Variants in AOPEP observed in about 807,000 individuals in gnomAD.
AOPEP encodes the protein aminopeptidase O (putative), also known as aminopeptidase O.
A neutral mutation model predicts 98.1 loss-of-function variants in AOPEP; 77 were observed. The observed-to-expected ratio is 0.78, with a 90% CI of 0.65 to 0.95. The LOEUF is 0.95. Ranked by LOEUF, AOPEP falls within the 40% of genes least tolerant of loss-of-function variation. AOPEP has a pLI of 0.00. For missense variants in AOPEP, 1,024 were observed against 1,024.7 expected, an observed-to-expected ratio of 1.00 and a Z score of 0.01; for synonymous variants, 346 against 365.3, an observed-to-expected ratio of 0.95 and a Z score of 0.60.
chr9:94,995,999 G>A (rs541633652), intron 11 of AOPEP, among the ~76,000 whole-genome samples: 12 of 151,650 alleles, frequency 7.9e-5, no homozygotes, highest in African/African-American at 2.2e-4. Flanking sequence ...CACATTCCCC[G>A]GCTCCCACTC....
At chr9:94,728,239 G>GCGCGCGCGCGCGCGCACACACACACA (rs113657409) in intron 1 of AOPEP, among the ~76,000 whole-genome samples, 23 of 146,604 alleles carry the variant, frequency 1.6e-4, no homozygotes, top group South Asian at 1.1e-3. Context: ...GTGCGCGCAT[G>GCGCGCGCGCGCGCGCACACACACACA]CACACACACA....
At chr9:94,851,007 A>G (rs967289297) in intron 5 of AOPEP, among the ~76,000 whole-genome samples, 4 of 152,342 alleles carry the variant, frequency 2.6e-5, no homozygotes, top group African/African-American at 9.6e-5. Flanking sequence ...TGTGGCAGCA[A>G]TCTGGTACCA....
the AOPEP span, chr9:95,110,946 G>C: frequency 7.3e-7 from 1 of 1,372,416 alleles, no homozygotes; most frequent in Non-Finnish European, 9.4e-7. Flanking sequence ...GAAGCAAAGT[G>C]GTTAATATCA....
intron 3 of AOPEP, among the ~76,000 whole-genome samples, chr9:94,784,782 AT>A (rs1175200430): frequency 2.6e-5 from 4 of 151,806 alleles, no homozygotes; most frequent in Non-Finnish European, 5.9e-5. Context: ...CGCCTGGCTA[AT>A]TTTTGTATTT....
intron 13 of AOPEP, chr9:95,021,547 G>A (rs1213781080): frequency 6.6e-6 from 1 of 152,216 alleles, no homozygotes; most frequent in African/African-American, 2.4e-5. Flanking sequence ...AAATGATGCC[G>A]AAGTATCTTC....
At chr9:94,848,839 G>C (rs1175655670) in intron 5 of AOPEP, among the ~76,000 whole-genome samples, 1 of 152,020 alleles carries the variant, frequency 6.6e-6, no homozygotes, top group Non-Finnish European at 1.5e-5. Flanking sequence ...ACCCAGGCTG[G>C]AGTGCAATGG....
At chr9:94,825,238 G>A (rs6479574) in intron 5 of AOPEP, among the ~76,000 whole-genome samples, 130,753 of 152,234 alleles carry the variant, frequency 0.86, 56,305 homozygotes, top group Non-Finnish European at 0.89. Flanking sequence ...GTGCTTCCCC[G>A]TTTTTGTTTC....
At chr9:94,832,896 T>A (rs2134500162) in intron 5 of AOPEP, among the ~76,000 whole-genome samples, 1 of 152,084 alleles carries the variant, frequency 6.6e-6, no homozygotes, top group African/African-American at 2.4e-5. Context: ...TAGTAAGAGT[T>A]AGACTTCTCC....
chr9:95,017,435 T>G (rs2063100992), intron 13 of AOPEP, among the ~76,000 whole-genome samples: 2 of 152,228 alleles, frequency 1.3e-5, no homozygotes, highest in Non-Finnish European at 2.9e-5. Flanking sequence ...TAAACCTGTC[T>G]AAACATAGAA....
At chr9:94,871,878 G>T (rs981816090) in intron 5 of AOPEP, among the ~76,000 whole-genome samples, 3 of 152,122 alleles carry the variant, frequency 2.0e-5, no homozygotes, top group Non-Finnish European at 2.9e-5. Context: ...ATGTTTGTGT[G>T]TGCTTGTAGT....
chr9:95,000,885 A>G (rs1161666438), intron 11 of AOPEP, among the ~76,000 whole-genome samples: 1 of 152,156 alleles, frequency 6.6e-6, no homozygotes, highest in African/African-American at 2.4e-5. Flanking sequence ...TTCTGAAACC[A>G]GTGGAAGCTT....
chr9:95,070,162 T>A (rs1023135685), intron 14 of AOPEP, among the ~76,000 whole-genome samples: 55 of 152,244 alleles, frequency 3.6e-4, no homozygotes, highest in African/African-American at 1.2e-3. Flanking sequence ...CCTGGGGCAG[T>A]CCCCCACTGG....
intron 2 of AOPEP, among the ~76,000 whole-genome samples, chr9:94,772,187 T>A (rs1841048695): frequency 6.6e-6 from 1 of 152,228 alleles, no homozygotes; most frequent in Non-Finnish European, 1.5e-5. Context: ...AGAAACATTC[T>A]CCTGAGTTTT....
intron 11 of AOPEP, among the ~76,000 whole-genome samples, chr9:94,996,671 G>A (rs2061265182): frequency 6.6e-6 from 1 of 152,158 alleles, no homozygotes; most frequent in Admixed American, 6.5e-5. Flanking sequence ...AGACATGGTT[G>A]TTTGCTTTTC....
At chr9:94,887,380 A>T (rs532282114) in intron 5 of AOPEP, among the ~76,000 whole-genome samples, 18 of 149,890 alleles carry the variant, frequency 1.2e-4, no homozygotes, top group African/African-American at 4.5e-4. Flanking sequence ...ATAATAATTC[A>T]TGTAAGTTAA....
the AOPEP span, chr9:95,107,162 G>C: frequency 6.2e-7 from 1 of 1,614,204 alleles, no homozygotes; most frequent in South Asian, 1.1e-5. Context: ...CAGGAGCTCT[G>C]AGGTCTGTGT....
intron 7 of AOPEP, among the ~76,000 whole-genome samples, chr9:94,937,003 C>T (rs896341246): frequency 1.3e-5 from 2 of 152,224 alleles, no homozygotes; most frequent in African/African-American, 4.8e-5. Flanking sequence ...TATCCAGAAG[C>T]TCTCCTAACT....
At chr9:95,049,961 A>G (rs995319254) in intron 13 of AOPEP, among the ~76,000 whole-genome samples, 4 of 152,292 alleles carry the variant, frequency 2.6e-5, no homozygotes, top group East Asian at 3.9e-4. Context: ...CTGCTCCCCT[A>G]TCAACTTCAG....
At chr9:94,751,839 G>A (rs1177311248) in intron 1 of AOPEP, among the ~76,000 whole-genome samples, 1 of 149,458 alleles carries the variant, frequency 6.7e-6, no homozygotes, top group East Asian at 1.9e-4. Flanking sequence ...TGAGGTTTGG[G>A]CTTCTATTGA....
Sources: allele counts gnomAD v4.1 joint callset (sites outside exome capture counted in the v4.1 genomes callset), GRCh38; gene constraint gnomAD v4.1.1; transcripts MANE v1.5; gene names NCBI Gene and HGNC (gene_info 2026-07-23, HGNC 2026-07-21).